The following TARS2 variants were observed in gnomAD, a reference collection of about 807,000 sequenced individuals.
The protein encoded by TARS2 is threonyl-tRNA synthetase 2, mitochondrial, also known as threonine--tRNA ligase, mitochondrial.
Under a neutral mutation model 94.4 loss-of-function variants are expected in TARS2, and 61 were observed. The ratio of observed to expected loss-of-function variants is 0.65; its 90% CI spans 0.53 to 0.80. The LOEUF is 0.80. Ranked by LOEUF, TARS2 falls within the 30% of genes least tolerant of loss-of-function variation. TARS2 has a pLI of 0.00. For missense variants in TARS2, 704 were observed against 902.5 expected (o/e 0.78, Z 2.82); for synonymous variants, 359 against 353.4 (o/e 1.02, Z -0.18).
chr1:150,494,953 A>G (rs973420903), intron 7 of TARS2, among the ~76,000 whole-genome samples: 1 of 151,936 alleles, frequency 6.6e-6, no homozygotes, highest in Non-Finnish European at 1.5e-5. Flanking sequence ...AGGCTGAGGC[A>G]GGCGGATCAT....
Position 150,507,143 on chromosome 1 carries a change from A to T in TARS2, c.*79A>T. On this transcript the variant is annotated 3_prime_UTR_variant, in exon 18 of 18. Transcript: ENST00000369064. ...ATGGGAGACCCCAACCCAGCTGACA[A>T]TGTGGAGCCCCCAGAACTTCAGAAC... 1 of 1,575,566 alleles carries T rather than the reference A, an allele frequency of 6.3e-7. No individual in the cohort carries two copies. The highest frequency in any genetic ancestry group is 8.6e-7 in the Non-Finnish European group (1 of 1,157,476).
intron 7 of TARS2, among the ~76,000 whole-genome samples, chr1:150,494,253 G>A (rs587614511): frequency 5.0e-4 from 76 of 151,204 alleles, no homozygotes; most frequent in African/African-American, 1.8e-3. Flanking sequence ...TGTAATCCCA[G>A]CTACAAAAAA....
At chr1:150,497,023 C>A in intron 9 of TARS2, 115 bp downstream of exon 9, 1 of 960,586 alleles carries the variant, frequency 1.0e-6, no homozygotes. Flanking sequence ...TGGCTCACAT[C>A]TATAATCCTA....
rs1206642464 is a variant in TARS2 at position 150,490,722 on chromosome 1, A to G, written c.509A>G (p.Glu170Gly). ...TACCATGATTTCTTCCTGGGAAAGG[A>G]GAGGTGAGTAATGAAAGGAAGGAGG... ...GFYHDFFLGK[E>G]RTIRGSELPV... The change falls in exon 4 of 18, where the codon GAG becomes GGG. Residue 170 changes from glutamate (E) to glycine (G), a missense_variant. Transcript: ENST00000369064. 2.5e-6 allele frequency: 4 copies of G among 1,613,548 alleles called. No homozygotes were observed. The highest frequency in any genetic ancestry group is 3.4e-6 in the Non-Finnish European group (4 of 1,179,894).
rs765824238 is a variant in TARS2, at chr1:150,506,954, A to G, written c.2047A>G (p.Ile683Val). The G allele has an allele frequency of 7.4e-6, 12 of 1,614,178 alleles. No homozygotes were observed. The highest frequency in any genetic ancestry group is 1.0e-5 in the Non-Finnish European group (12 of 1,180,034). ...AGAGCAAAGTAAGAGAACAGTGAAC[A>G]TTCGGACTCGAGATAATCGTCGCCT... The part of the protein sequence containing the change: ...QKEQSKRTVN[I>V]RTRDNRRLGE... The change falls in exon 18 of 18, where the codon ATT (isoleucine) becomes GTT (valine). Residue 683 changes from isoleucine to valine, a missense_variant. Coordinates refer to ENST00000369064, the MANE Select transcript of TARS2 (RefSeq NM_025150.5).
intron 17 of TARS2, 99 bp downstream of exon 17, chr1:150,505,804 C>A: frequency 1.8e-6 from 2 of 1,125,592 alleles, no homozygotes; most frequent in Non-Finnish European, 2.6e-6. Flanking sequence ...TTAATTGGGG[C>A]TCATTACCTG....
intron 16 of TARS2, 71 bp from the exon 17 acceptor site, chr1:150,505,520 A>T: frequency 4.5e-6 from 6 of 1,345,928 alleles, no homozygotes; most frequent in Non-Finnish European, 6.4e-6. Flanking sequence ...TTGAGGGAAA[A>T]GAGCATCAGA....
intron 13 of TARS2, among the ~76,000 whole-genome samples, chr1:150,503,545 ATGTGTGTG>A (rs368609900): frequency 0.024 from 2,257 of 95,588 alleles, 77 homozygotes; most frequent in African/African-American, 0.078. Flanking sequence ...AAATACACAT[ATGTGTGTG>A]TGTGTGTGTG....
In TARS2 at chr1:150,487,638, A is replaced by C. The variant is rs587613032; in HGVS notation, c.66+122A>C. On this transcript the variant is annotated intron_variant, in intron 1 of 17. Transcript: ENST00000369064. ...TCTCCCTGGTCCTCCGAGTCCCCAGAAAAGGACTCGTATCTAAACTCGTTA... is the reference window on the plus strand; with the variant it reads ...TCTCCCTGGTCCTCCGAGTCCCCAGCAAAGGACTCGTATCTAAACTCGTTA... The C allele has an allele frequency of 8.9e-5, 124 of 1,393,656 alleles. 1 individual carries two copies. Among genetic ancestry groups the C allele is most frequent in the Non-Finnish European group, 1.2e-4 (117 of 1,013,776 alleles). The allele number at this position is 1,393,656 out of a possible 1,614,324, so 86.3% of individuals were successfully genotyped here. A position where few individuals can be genotyped will look rare whatever the true frequency, so the allele number is the denominator to read the frequency against.
intron 2 of TARS2, chr1:150,488,758 T>C (rs974519529): frequency 3.0e-5 from 16 of 535,980 alleles, no homozygotes; most frequent in African/African-American, 5.7e-5. Context: ...ATATTCCTTC[T>C]GTCTAACTCT....
Position 150,488,699 on chromosome 1 carries a change from A to T in TARS2, c.264-265A>T, listed in dbSNP as rs1669253228. 1.6e-5 allele frequency: 5 copies of T among 312,992 alleles called. No homozygotes were observed. The South Asian group carries it at 2.5e-4, about 16-fold the overall frequency. The allele number at this position is 312,992 out of a possible 1,614,324, so 19.4% of individuals were successfully genotyped here. On this transcript the variant is annotated intron_variant, in intron 2 of 17. Coordinates refer to ENST00000369064, the MANE Select transcript of TARS2 (RefSeq NM_025150.5). ...TTCTAGCTATTTTGAAATATACAAT[A>T]AATTATTATTAACTGTATTCACCCA...
intron 13 of TARS2, among the ~76,000 whole-genome samples, chr1:150,500,132 G>A (rs893425037): frequency 2.4e-4 from 36 of 151,712 alleles, no homozygotes; most frequent in African/African-American, 4.8e-5. Context: ...CCGAGATTGC[G>A]CCCCACTGCA....
chr1:150,488,379 T>G (rs12046446), intron 2 of TARS2: 67,177 of 210,450 alleles, frequency 0.32, 12,549 homozygotes, highest in Non-Finnish European at 0.4. Flanking sequence ...AGAGTCTCTG[T>G]CCTTTCATTG....
Position 150,504,854 on chromosome 1 carries a change from C to G in TARS2, c.1821-52C>G, listed in dbSNP as rs1282375732. On this transcript the variant is annotated intron_variant, in intron 15 of 17. Transcript: ENST00000369064. ...AAGTCTGCTCCATACAAGCACACTTCTGGCCAGAGCCAGAGTGACTAATTT... is the reference window on the plus strand; with the variant it reads ...AAGTCTGCTCCATACAAGCACACTTGTGGCCAGAGCCAGAGTGACTAATTT... 8 of 1,611,484 alleles carry G rather than the reference C, an allele frequency of 5.0e-6. No individual in the cohort carries two copies. In the Middle Eastern group the frequency reaches 6.6e-4, roughly 133 times the overall value.
intron 13 of TARS2, among the ~76,000 whole-genome samples, chr1:150,501,330 T>C (rs1560255362): frequency 8.3e-6 from 1 of 119,956 alleles, no homozygotes; most frequent in African/African-American, 3.4e-5. Flanking sequence ...TTTTTTTTTT[T>C]TTATTGAGAC....
intron 13 of TARS2, among the ~76,000 whole-genome samples, chr1:150,502,330 T>C (rs986863373): frequency 2.5e-4 from 38 of 151,612 alleles, no homozygotes; most frequent in African/African-American, 9.2e-4. Context: ...CAAGCGATTC[T>C]CTTGCCTCAG....
chr1:150,504,331 G>A lies in TARS2; in HGVS notation c.1618-4G>A. On this transcript the variant is annotated splice_region_variant and splice_polypyrimidine_tract_variant and intron_variant, in intron 13 of 17. Transcript: ENST00000369064. Reference sequence around the variant, plus strand: ...TCTCGTGCCTTCCCATCTGTTTCCTGTAGATTGACGTGCACCTCCACGATG... The same window carrying A: ...TCTCGTGCCTTCCCATCTGTTTCCTATAGATTGACGTGCACCTCCACGATG... 1 of 1,614,058 alleles carries A rather than the reference G, an allele frequency of 6.2e-7. No individual in the cohort carries two copies. The highest frequency in any genetic ancestry group is 8.5e-7 in the Non-Finnish European group (1 of 1,179,978).
rs776030551 is a variant in TARS2 at position 150,492,298 on chromosome 1, C to G, written c.696-113C>G. 3.6e-6 allele frequency: 4 copies of G among 1,121,792 alleles called. No individual in the cohort carries two copies. The South Asian group carries it at 5.3e-5, about 15-fold the overall frequency. 69.5% of individuals were successfully genotyped at this position (1,121,792 alleles called of 1,614,324 possible). A position where few individuals can be genotyped will look rare whatever the true frequency, so the allele number is the denominator to read the frequency against. On this transcript the variant is annotated intron_variant, in intron 6 of 17. Coordinates refer to ENST00000369064, the MANE Select transcript of TARS2 (RefSeq NM_025150.5). ...ATTTTTATCTGCCATTGCCCTCTCT[C>G]AGTAGGACAGTTCCTTTCTCTTCAC...
intron 2 of TARS2, 183 bp downstream of exon 2, chr1:150,488,237 G>A: frequency 1.5e-6 from 1 of 670,706 alleles, no homozygotes; most frequent in Non-Finnish European, 2.4e-6. Flanking sequence ...GTCTCTCCAT[G>A]TTGCCCAGGC....
Sources: allele counts gnomAD v4.1 joint callset (sites outside exome capture counted in the v4.1 genomes callset), GRCh38; gene constraint gnomAD v4.1.1; transcripts MANE v1.5; gene names NCBI Gene and HGNC (gene_info 2026-07-23, HGNC 2026-07-21).